Variants in ZNF257 observed in about 807,000 individuals in gnomAD.
ZNF257 encodes the protein zinc finger protein 257.
Under a neutral mutation model 11.9 loss-of-function variants are expected in ZNF257, and 12 were observed. The ratio of observed to expected loss-of-function variants is 1.01; its 90% CI spans 0.65 to 1.63. The LOEUF (loss-of-function observed/expected upper bound fraction) is 1.63, where lower values mean the gene tolerates loss of function less well. Among genes scored for constraint, ZNF257 ranks in the 40% most tolerant of loss-of-function variants. The pLI is 0.00. For synonymous variants in ZNF257, 183 were observed against 222.7 expected, an observed-to-expected ratio of 0.82 and a Z score of 1.59; for missense variants, 580 against 665.5, an observed-to-expected ratio of 0.87 and a Z score of 1.41.
intron 3 of ZNF257, among the ~76,000 whole-genome samples, chr19:22,079,667 C>A (rs2022316009): frequency 6.6e-6 from 1 of 152,134 alleles, no homozygotes; most frequent in Non-Finnish European, 1.5e-5. Flanking sequence ...CCCTGTCTCT[C>A]TCATGACACA....
rs1258616152 is a variant in ZNF257 at position 22,088,701 on chromosome 19, A to G, written c.951A>G (p.Lys317=). The part of the protein sequence containing the change: ...KRIHTGEKPY[K]CEECGKAFNQ... ...TTCATACTGGAGAGAAACCCTACAA[A>G]TGTGAAGAGTGTGGCAAAGCCTTTA... The change falls in exon 4 of 4, where the codon AAA becomes AAG. Residue 317 remains lysine, a synonymous_variant. Transcript: ENST00000594947. The G allele has an allele frequency of 6.2e-7, 1 of 1,613,132 alleles. No homozygotes were observed. Among genetic ancestry groups the G allele is most frequent in the Admixed American group, 1.7e-5 (1 of 59,922 alleles).
At chr19:22,065,046 T>C (rs1172131163) in intron 1 of ZNF257, among the ~76,000 whole-genome samples, 1 of 136,302 alleles carries the variant, frequency 7.3e-6, no homozygotes, top group Non-Finnish European at 1.5e-5. Flanking sequence ...AGAACGAGAC[T>C]CCGCCTCAAA....
chr19:22,072,053 T>C (rs553657067), intron 1 of ZNF257, among the ~76,000 whole-genome samples: 1 of 152,290 alleles, frequency 6.6e-6, no homozygotes, highest in African/African-American at 2.4e-5. Context: ...ATAAAACTGA[T>C]GGTTCTTTAT....
At chr19:22,061,731 T>G (rs2145689348) in intron 1 of ZNF257, among the ~76,000 whole-genome samples, 1 of 152,310 alleles carries the variant, frequency 6.6e-6, no homozygotes, top group Admixed American at 6.5e-5. Context: ...AGAGAAATGC[T>G]TCCAGCTTGT....
intron 3 of ZNF257, among the ~76,000 whole-genome samples, chr19:22,082,674 C>T (rs1381521670): frequency 6.6e-6 from 1 of 152,018 alleles, no homozygotes; most frequent in Non-Finnish European, 1.5e-5. Flanking sequence ...ATTACTTTTT[C>T]CCTATAGTCT....
chr19:22,056,383 C>T (rs1184660822), intron 1 of ZNF257, among the ~76,000 whole-genome samples: 5 of 152,198 alleles, frequency 3.3e-5, no homozygotes, highest in African/African-American at 4.8e-5. Flanking sequence ...TCAAGTAATC[C>T]GCCTGCCTCA....
chr19:22,068,342 T>C (rs1333868076), intron 1 of ZNF257, among the ~76,000 whole-genome samples: 2 of 152,080 alleles, frequency 1.3e-5, no homozygotes, highest in Non-Finnish European at 2.9e-5. Context: ...ACTTAGGATG[T>C]GCTAGAACAG....
intron 3 of ZNF257, among the ~76,000 whole-genome samples, chr19:22,077,396 T>C (rs1490324580): frequency 6.6e-6 from 1 of 152,148 alleles, no homozygotes; most frequent in Non-Finnish European, 1.5e-5. Flanking sequence ...TTTTCCATCT[T>C]GTAAAACTAA....
At chr19:22,058,118 G>A (rs1437456966) in intron 1 of ZNF257, among the ~76,000 whole-genome samples, 2 of 102,392 alleles carry the variant, frequency 2.0e-5, no homozygotes, top group Admixed American at 2.0e-4. Flanking sequence ...TCTGTGTCTG[G>A]CTATGTGATG....
chr19:22,055,911 C>T (rs961269117), intron 1 of ZNF257, among the ~76,000 whole-genome samples: 2 of 151,778 alleles, frequency 1.3e-5, no homozygotes, highest in East Asian at 2.0e-4. Context: ...AAAAATTAGC[C>T]GGGCGATGTA....
chr19:22,055,788 G>A (rs922274853), intron 1 of ZNF257, among the ~76,000 whole-genome samples: 5 of 151,958 alleles, frequency 3.3e-5, no homozygotes, highest in Non-Finnish European at 5.9e-5. Context: ...GTTTTCGGCC[G>A]GGCGCGGTGG....
intron 1 of ZNF257, among the ~76,000 whole-genome samples, chr19:22,056,813 G>C (rs1415425423): frequency 1.3e-5 from 2 of 152,080 alleles, no homozygotes; most frequent in Non-Finnish European, 2.9e-5. Context: ...TTTTATTATG[G>C]CTGGGTGGTT....
Position 22,088,888 on chromosome 19 carries a change from GC to G in ZNF257, c.1140del (p.Phe381LeufsTer43), listed in dbSNP as rs1462027909. ...CTACAAATGTGAAGAGTGTGGAAAA[GC>G]CTTTAACCGGTCTTCACACCTTACT... is the stretch of plus-strand genomic sequence containing the variant. ...KPYKCEECGK[A>X]FNRSSHLTKH... On this transcript the variant is annotated frameshift_variant, in exon 4 of 4. Transcript: ENST00000594947. LOFTEE classifies it low-confidence loss of function (END_TRUNC). 7 of 1,612,064 alleles carry G rather than the reference GC, an allele frequency of 4.3e-6. No individual in the cohort carries two copies. Among genetic ancestry groups the G allele is most frequent in the Middle Eastern group, 3.3e-4 (2 of 6,078 alleles).
intron 3 of ZNF257, among the ~76,000 whole-genome samples, chr19:22,081,512 T>C (rs1267809073): frequency 3.3e-5 from 5 of 152,018 alleles, no homozygotes; most frequent in African/African-American, 4.8e-5. Context: ...AGGCATTTAA[T>C]TTTTTAAATA....
chr19:22,065,373 T>C (rs1033259048), intron 1 of ZNF257, among the ~76,000 whole-genome samples: 11 of 151,992 alleles, frequency 7.2e-5, no homozygotes, highest in Non-Finnish European at 8.8e-5. Flanking sequence ...TGAATTTTTG[T>C]ATTTTTAGTA....
chr19:22,055,348 G>A (rs2021600637), intron 1 of ZNF257, among the ~76,000 whole-genome samples: 1 of 151,944 alleles, frequency 6.6e-6, no homozygotes, highest in Non-Finnish European at 1.5e-5. Flanking sequence ...TGGGATTAAA[G>A]GTGCCCACCC....
intron 3 of ZNF257, among the ~76,000 whole-genome samples, chr19:22,079,462 C>G (rs1182440975): frequency 3.9e-5 from 6 of 152,118 alleles, no homozygotes; most frequent in Non-Finnish European, 8.8e-5. Context: ...AATTGGCACA[C>G]ACTTCCACAT....
At chr19:22,052,754 T>G in intron 1 of ZNF257, 119 bp downstream of exon 1, 2 of 1,284,628 alleles carry the variant, frequency 1.6e-6, no homozygotes, top group East Asian at 5.1e-5. Context: ...GCGCCCGAGT[T>G]TTCCTTGGCC....
At chr19:22,083,067 A>T (rs766218671) in intron 3 of ZNF257, among the ~76,000 whole-genome samples, 63 of 151,068 alleles carry the variant, frequency 4.2e-4, no homozygotes, top group Non-Finnish European at 7.8e-4. Context: ...AGCCACAAAA[A>T]TTCTCCTAAT....
Sources: gnomAD v4.1 joint callset for allele counts (sites outside exome capture counted in the v4.1 genomes callset) on GRCh38, gnomAD v4.1.1 for gene constraint, MANE v1.5 for transcripts, NCBI Gene and HGNC (gene_info 2026-07-23, HGNC 2026-07-21) for gene names.